ARHGAP23: variants seen among roughly 807,000 people sequenced by gnomAD.
The protein encoded by ARHGAP23 is Rho GTPase activating protein 23.
Under a neutral mutation model 136.3 loss-of-function variants are expected in ARHGAP23, and 34 were observed. That is an observed-to-expected ratio of 0.25 (90% CI 0.19 to 0.33). ARHGAP23 has a LOEUF of 0.33. ARHGAP23 is among the 10% of genes least tolerant of loss of function. The pLI is 1.00. For missense variants in ARHGAP23, 1,808 were observed against 2,139.0 expected (o/e 0.85, Z 3.05); for synonymous variants, 832 against 920.5 (o/e 0.90, Z 1.74).
chr17:38,509,577 G>A (rs2040708008), intron 23 of ARHGAP23, among the ~76,000 whole-genome samples: 3 of 152,190 alleles, frequency 2.0e-5, no homozygotes, highest in Admixed American at 6.5e-5. Context: ...ACACCCCAGG[G>A]GCGTGTGTGA....
At position 38,510,208 on chromosome 17, in the gene ARHGAP23, C is replaced by G; in HGVS notation, c.3712C>G (p.Arg1238Gly). The change falls in exon 24 of 24, where the codon CGG becomes GGG. Residue 1238 changes from arginine (R) to glycine (G), a missense_variant. By Grantham distance (125) the Arg-to-Gly change is moderately radical. This residue lies in a region of ARHGAP23 where 506 missense variants were observed against 455.8 expected (regional missense o/e 1.11). Transcript: ENST00000622683. This position sits in a 1 kb window ranked among gnomAD's most constrained non-coding sequence, Gnocchi z 4.6. The part of the protein sequence containing the change: ...RLSPPAAPEE[R>G]PAADTRSIVS... The stretch of plus-strand genomic sequence containing the variant: ...CAGTCCCCCGGCGGCGCCGGAGGAG[C>G]GGCCGGCCGCGGACACGCGCTCCAT... 1 of 1,367,586 alleles carries G rather than the reference C, an allele frequency of 7.3e-7. No individual in the cohort carries two copies. The highest frequency in any genetic ancestry group is 9.4e-7 in the Non-Finnish European group (1 of 1,060,818). 84.7% of individuals were successfully genotyped at this position (1,367,586 alleles called of 1,614,324 possible).
At chr17:38,475,254 A>G (rs1430844154) in intron 11 of ARHGAP23, among the ~76,000 whole-genome samples, 1 of 152,214 alleles carries the variant, frequency 6.6e-6, no homozygotes, top group Non-Finnish European at 1.5e-5. Context: ...TTGTCCCCGC[A>G]GCCTCAGCCC....
intron 20 of ARHGAP23, among the ~76,000 whole-genome samples, chr17:38,497,268 A>G (rs548819063): frequency 9.8e-5 from 15 of 152,296 alleles, no homozygotes; most frequent in Admixed American, 4.6e-4. Context: ...GAAACCTCCA[A>G]CGCCTTTCTC....
Position 38,466,162 on chromosome 17 carries a change from G to T in ARHGAP23, c.484-5G>T. 6.8e-7 allele frequency: 1 copy of T among 1,481,314 alleles called. No homozygotes were observed. The highest frequency in any genetic ancestry group is 9.0e-7 in the Non-Finnish European group (1 of 1,108,108). 91.8% of individuals were successfully genotyped at this position (1,481,314 alleles called of 1,614,324 possible). A position where few individuals can be genotyped will look rare whatever the true frequency, so the allele number is the denominator to read the frequency against. On this transcript the variant is annotated splice_polypyrimidine_tract_variant and splice_region_variant and intron_variant, in intron 6 of 23. Transcript: ENST00000622683. ...CTGCTTACCTGTCTCTGTGTCTCTG[G>T]CCAGGCCTACTCCCAGGATGCCTAC...
At chr17:38,420,227 C>T (rs550021612) in intron 1 of ARHGAP23, among the ~76,000 whole-genome samples, 1 of 152,348 alleles carries the variant, frequency 6.6e-6, no homozygotes. Context: ...TCCTGACTTG[C>T]AGCCCCCTGA....
chr17:38,492,884 G>A (rs1169915829), intron 20 of ARHGAP23, among the ~76,000 whole-genome samples: 1 of 152,238 alleles, frequency 6.6e-6, no homozygotes, highest in African/African-American at 2.4e-5. Flanking sequence ...GTGAGGGTGT[G>A]TTTTGGGGGC....
At chr17:38,478,559 C>G (rs1429694183) in intron 12 of ARHGAP23, among the ~76,000 whole-genome samples, 1 of 151,930 alleles carries the variant, frequency 6.6e-6, no homozygotes, top group Admixed American at 6.6e-5. Context: ...GGACTATAGG[C>G]GCATGCCACC....
intron 1 of ARHGAP23, among the ~76,000 whole-genome samples, chr17:38,437,367 C>T (rs2144511381): frequency 6.6e-6 from 1 of 152,260 alleles, no homozygotes; most frequent in East Asian, 1.9e-4. Flanking sequence ...CTCAAGTGAT[C>T]CTCCTGCCTT....
chr17:38,481,437 G>A (rs1428706828), intron 14 of ARHGAP23, among the ~76,000 whole-genome samples: 8 of 151,862 alleles, frequency 5.3e-5, no homozygotes, highest in South Asian at 2.1e-4. Flanking sequence ...GTAAGCCACC[G>A]CGCCCGGCCC....
At chr17:38,444,674 T>G (rs1287412139) in intron 1 of ARHGAP23, among the ~76,000 whole-genome samples, 1 of 151,938 alleles carries the variant, frequency 6.6e-6, no homozygotes, top group East Asian at 1.9e-4. Flanking sequence ...AAGATGACAG[T>G]AGAGACTCTG....
chr17:38,495,045 A>G (rs2040361434), intron 20 of ARHGAP23, among the ~76,000 whole-genome samples: 2 of 152,114 alleles, frequency 1.3e-5, no homozygotes, highest in Non-Finnish European at 2.9e-5. Context: ...TTATACATTA[A>G]CAATGTGCTG....
chr17:38,485,606 C>A (rs1221574885), intron 16 of ARHGAP23, among the ~76,000 whole-genome samples: 1 of 152,152 alleles, frequency 6.6e-6, no homozygotes, highest in East Asian at 1.9e-4. Flanking sequence ...GAGAAGGCCT[C>A]TTTGAAGAGC....
At chr17:38,468,292 A>G (rs907668585) in intron 7 of ARHGAP23, among the ~76,000 whole-genome samples, 6 of 152,190 alleles carry the variant, frequency 3.9e-5, no homozygotes, top group African/African-American at 1.4e-4. Context: ...GACTGGATGC[A>G]GGAGAGGGAG....
intron 1 of ARHGAP23, chr17:38,451,548 G>C (rs1310319292): frequency 6.6e-6 from 1 of 152,320 alleles, no homozygotes; most frequent in Non-Finnish European, 1.5e-5. Flanking sequence ...TGAGAGGGGA[G>C]AGTCATTCCA....
rs1316459588 is a variant in ARHGAP23, at chr17:38,463,764, C to T, written c.483+382C>T. 3.3e-5 allele frequency among the ~76,000 whole-genome samples: 5 copies of T among 152,244 alleles called. No homozygotes were observed. In the South Asian group the frequency reaches 6.2e-4, roughly 19 times the overall value. On this transcript the variant is annotated intron_variant, in intron 6 of 23. Coordinates refer to ENST00000622683, the MANE Select transcript of ARHGAP23 (RefSeq NM_001199417.2). ...ACACAGGCACCGAGCACACATCGAA[C>T]ACTGCTCAGCACACTGCACCCCACC... is the stretch of plus-strand genomic sequence containing the variant.
At chr17:38,449,409 G>A (rs1351327747) in intron 1 of ARHGAP23, among the ~76,000 whole-genome samples, 1 of 152,254 alleles carries the variant, frequency 6.6e-6, no homozygotes, top group East Asian at 1.9e-4. Flanking sequence ...TGTACATGGA[G>A]GGCGCTGCGG....
At chr17:38,505,669 C>T (rs1236913570) in intron 23 of ARHGAP23, among the ~76,000 whole-genome samples, 1 of 152,206 alleles carries the variant, frequency 6.6e-6, no homozygotes, top group Non-Finnish European at 1.5e-5. Flanking sequence ...TGGCTCATGC[C>T]TGTAATCCCA....
At chr17:38,502,398 T>A (rs1326669927) in intron 23 of ARHGAP23, among the ~76,000 whole-genome samples, 3 of 152,268 alleles carry the variant, frequency 2.0e-5, no homozygotes, top group African/African-American at 7.2e-5. Context: ...AACAATGCTT[T>A]TGAAAAAGAT....
At chr17:38,420,397 G>A (rs551424566) in intron 1 of ARHGAP23, among the ~76,000 whole-genome samples, 2 of 152,320 alleles carry the variant, frequency 1.3e-5, no homozygotes, top group East Asian at 1.9e-4. Context: ...GTGCTCAGCC[G>A]CCCTAACTCC....
Sources: gnomAD v4.1 joint callset for allele counts (sites outside exome capture counted in the v4.1 genomes callset) on GRCh38, gnomAD v4.1.1 for gene constraint, gnomAD v4.1.1 regional missense constraint, Gnocchi (gnomAD v3.1) non-coding constraint, MANE v1.5 for transcripts, NCBI Gene and HGNC (gene_info 2026-07-23, HGNC 2026-07-21) for gene names.